Variants in NUMB observed in about 807,000 individuals in gnomAD.
NUMB encodes NUMB endocytic adaptor protein, also known as protein numb homolog.
A neutral mutation model predicts 59.7 loss-of-function variants in NUMB; 29 were observed. The observed-to-expected ratio is 0.49, with a 90% CI of 0.36 to 0.66. The LOEUF (loss-of-function observed/expected upper bound fraction) is 0.66. NUMB is among the 30% of genes least tolerant of loss of function. The pLI is 0.00. For missense variants in NUMB, 723 were observed against 822.0 expected (o/e 0.88, Z 1.47); for synonymous variants, 288 against 288.2 (o/e 1.00, Z 0.01).
chr14:73,284,572 G>A, intron 9 of NUMB, 198 bp from the exon 10 acceptor site: 1 of 509,198 alleles, frequency 2.0e-6, no homozygotes, highest in Non-Finnish European at 3.5e-6. Flanking sequence ...ATGTCACAAA[G>A]CATATCTACT....
intron 2 of NUMB, among the ~76,000 whole-genome samples, chr14:73,388,151 T>C (rs1384710319): frequency 6.6e-6 from 1 of 152,068 alleles, no homozygotes; most frequent in Non-Finnish European, 1.5e-5. Flanking sequence ...CTAGCCACAT[T>C]TCAAGTGCTC....
chr14:73,412,506 A>T (rs545833719), intron 1 of NUMB, among the ~76,000 whole-genome samples: 18 of 152,014 alleles, frequency 1.2e-4, no homozygotes, highest in Non-Finnish European at 2.6e-4. Flanking sequence ...ACATGCCTGT[A>T]ATCCCAGCTA....
chr14:73,321,056 G>A (rs1050680380), intron 5 of NUMB, among the ~76,000 whole-genome samples: 12 of 151,468 alleles, frequency 7.9e-5, no homozygotes, highest in Admixed American at 2.0e-4. Flanking sequence ...CTAATTAAAA[G>A]TATTTCAAAA....
chr14:73,299,789 TAA>T (rs1041342329), intron 6 of NUMB, among the ~76,000 whole-genome samples: 1 of 152,104 alleles, frequency 6.6e-6, no homozygotes, highest in African/African-American at 2.4e-5. Flanking sequence ...TGCAGGGCAA[TAA>T]GACACAGGCA....
chr14:73,438,443 TA>T (rs1340297299), intron 1 of NUMB, among the ~76,000 whole-genome samples: 1 of 151,826 alleles, frequency 6.6e-6, no homozygotes, highest in Non-Finnish European at 1.5e-5. Context: ...CCAGCCTGGC[TA>T]AAATGGCGAA....
At chr14:73,362,215 C>T (rs1471834562) in intron 3 of NUMB, among the ~76,000 whole-genome samples, 7 of 151,976 alleles carry the variant, frequency 4.6e-5, no homozygotes, top group Non-Finnish European at 1.5e-5. Flanking sequence ...CATTATCTTA[C>T]CACTGCACTC....
chr14:73,394,143 CAG>C (rs1895998584), intron 2 of NUMB, among the ~76,000 whole-genome samples: 1 of 152,024 alleles, frequency 6.6e-6, no homozygotes, highest in South Asian at 2.1e-4. Context: ...TTAGTAGAGA[CAG>C]AGTTTCACCA....
chr14:73,406,304 C>A (rs1896672644), intron 2 of NUMB, among the ~76,000 whole-genome samples: 1 of 134,104 alleles, frequency 7.5e-6, no homozygotes, highest in Admixed American at 8.9e-5. Context: ...TCCAAGTGTT[C>A]TCATTGTTCA....
intron 1 of NUMB, among the ~76,000 whole-genome samples, chr14:73,439,274 G>A (rs968680358): frequency 1.3e-5 from 2 of 152,242 alleles, no homozygotes; most frequent in East Asian, 3.9e-4. Context: ...AAATAGAGAT[G>A]AGACACATAA....
chr14:73,426,365 C>T lies in NUMB; in HGVS notation c.-232-16297G>A, dbSNP rs143814215. ...CTCCTGGTTCAGAAGCAGGCAGTGG[C>T]TGGGAGTCTGGCTTCCTTGGGGAAC... On this transcript the variant is annotated intron_variant, in intron 1 of 12. Coordinates refer to ENST00000555238, the MANE Select transcript of NUMB (RefSeq NM_001005743.2). Among the ~76,000 whole-genome samples, 4 of 152,244 alleles carry T rather than the reference C, an allele frequency of 2.6e-5. No individual in the cohort carries two copies. In the East Asian group the frequency reaches 7.7e-4, roughly 29 times the overall value.
chr14:73,297,124 G>A (rs1889829984), intron 7 of NUMB, 87 bp downstream of exon 7: 1 of 842,368 alleles, frequency 1.2e-6, no homozygotes, highest in African/African-American at 1.7e-5. Context: ...CCGAGATCGT[G>A]CCATTGCACT....
intron 2 of NUMB, among the ~76,000 whole-genome samples, chr14:73,367,997 A>C (rs755211456): frequency 4.9e-4 from 74 of 152,110 alleles, no homozygotes; most frequent in Non-Finnish European, 9.4e-4. Context: ...TTAAACAAAA[A>C]ATTCCATTTA....
At position 73,355,655 on chromosome 14, in the gene NUMB, G is replaced by C; in HGVS notation, c.97C>G (p.Arg33Gly). 1 of 1,613,548 alleles carries C rather than the reference G, an allele frequency of 6.2e-7. No homozygotes were observed. Among genetic ancestry groups the C allele is most frequent in the Non-Finnish European group, 8.5e-7 (1 of 1,179,770 alleles). Residue 33 changes from arginine (R) to glycine (G), a missense_variant, in exon 4 of 13, where the codon CGC (arginine) becomes GGC (glycine). Arg to Gly is a moderately radical substitution (Grantham distance 125, BLOSUM62 -2). Transcript: ENST00000555238. ...HQWQTDEEGVRTGKCSFPVKY... is the reference protein window; with the variant it reads ...HQWQTDEEGVGTGKCSFPVKY... Reference sequence around the variant, plus strand: ...ACCGGGAAGCTACATTTTCCGGTGCGAACGCCTTCTTCATCTGTCTGCCAC... The same window carrying C: ...ACCGGGAAGCTACATTTTCCGGTGCCAACGCCTTCTTCATCTGTCTGCCAC...
chr14:73,352,919 C>T (rs1294040229), intron 4 of NUMB, among the ~76,000 whole-genome samples: 2 of 151,246 alleles, frequency 1.3e-5, no homozygotes, highest in Non-Finnish European at 2.9e-5. Flanking sequence ...TCCACAAGAA[C>T]AGAAACTATG....
intron 6 of NUMB, among the ~76,000 whole-genome samples, chr14:73,315,276 G>A (rs1477375346): frequency 6.6e-6 from 1 of 151,926 alleles, no homozygotes; most frequent in Non-Finnish European, 1.5e-5. Flanking sequence ...AAAAATTGTA[G>A]GATTTTGTTA....
At chr14:73,329,621 A>G (rs2139943078) in intron 4 of NUMB, among the ~76,000 whole-genome samples, 1 of 152,324 alleles carries the variant, frequency 6.6e-6, no homozygotes, top group East Asian at 1.9e-4. Context: ...AGTATATTTT[A>G]GACTTTGAGC....
At chr14:73,320,734 G>C (rs1406526450) in intron 5 of NUMB, among the ~76,000 whole-genome samples, 4 of 151,934 alleles carry the variant, frequency 2.6e-5, no homozygotes, top group African/African-American at 9.7e-5. Context: ...CTATGTGCCA[G>C]CCACTGTTCC....
chr14:73,331,082 A>G (rs1387248303), intron 4 of NUMB, among the ~76,000 whole-genome samples: 1 of 151,256 alleles, frequency 6.6e-6, no homozygotes, highest in Non-Finnish European at 1.5e-5. Context: ...TCTATGGTCT[A>G]TTATCTCAAG....
chr14:73,305,064 G>T (rs1280801718), intron 6 of NUMB, among the ~76,000 whole-genome samples: 1 of 152,190 alleles, frequency 6.6e-6, no homozygotes, highest in Non-Finnish European at 1.5e-5. Flanking sequence ...ACCGCGCCTG[G>T]CCGAAATGAG....
Sources: gnomAD v4.1 joint callset for allele counts (sites outside exome capture counted in the v4.1 genomes callset) on GRCh38, gnomAD v4.1.1 for gene constraint, MANE v1.5 for transcripts, NCBI Gene and HGNC (gene_info 2026-07-23, HGNC 2026-07-21) for gene names.